The following FER variants were observed in gnomAD, a reference collection of about 807,000 sequenced individuals.
FER encodes FER tyrosine kinase.
In FER, 63 loss-of-function variants were observed where a neutral mutation model predicts 111.0. The ratio of observed to expected loss-of-function variants is 0.57; its 90% CI spans 0.46 to 0.70. The LOEUF (loss-of-function observed/expected upper bound fraction) is 0.70, where lower values mean the gene tolerates loss of function less well. FER is among the 30% of genes least tolerant of loss of function. FER has a pLI of 0.00. For missense variants in FER, 914 were observed against 954.0 expected (o/e 0.96, Z 0.55); for synonymous variants, 327 against 313.9 (o/e 1.04, Z -0.44).
intron 13 of FER, among the ~76,000 whole-genome samples, chr5:108,978,262 G>T (rs1299841535): frequency 6.6e-6 from 1 of 152,120 alleles, no homozygotes; most frequent in African/African-American, 2.4e-5. Flanking sequence ...ATTACTCATT[G>T]ATCAGGTTGA....
At position 108,841,809 on chromosome 5, in the gene FER, T is replaced by G. The variant is rs75344223; in HGVS notation, c.481+6002T>G. 2,318 of 421,880 alleles carry G rather than the reference T, an allele frequency of 5.5e-3. 22 individuals carry two copies. The highest frequency in any genetic ancestry group is 6.2e-3 in the Non-Finnish European group (1,336 of 215,162). 26.1% of individuals were successfully genotyped at this position (421,880 alleles called of 1,614,324 possible). ...GTGCAAAATACTCAGTCTTCCTTTC[T>G]TTTTTTCCTATGTCTTATCAGTGAA... On this transcript the variant is annotated intron_variant, in intron 5 of 19. Coordinates refer to ENST00000281092, the MANE Select transcript of FER (RefSeq NM_005246.4).
chr5:109,187,388 C>T, intron 19 of FER, 45 bp from the exon 20 acceptor site: 3 of 1,598,380 alleles, frequency 1.9e-6, no homozygotes, highest in Non-Finnish European at 2.6e-6. Flanking sequence ...CATTTTGTGT[C>T]TTACCTCCAT....
At chr5:108,873,346 T>A (rs1039380332) in intron 8 of FER, among the ~76,000 whole-genome samples, 2 of 152,150 alleles carry the variant, frequency 1.3e-5, no homozygotes, top group African/African-American at 2.4e-5. Flanking sequence ...GGTTTTGCCC[T>A]GCTGGCCAGG....
At chr5:109,006,610 A>G (rs1765534492) in intron 13 of FER, among the ~76,000 whole-genome samples, 1 of 152,206 alleles carries the variant, frequency 6.6e-6, no homozygotes, top group South Asian at 2.1e-4. Flanking sequence ...TGTGTTTAAC[A>G]TATACCTGTG....
chr5:109,051,731 T>A, intron 16 of FER: 1 of 1,568,358 alleles, frequency 6.4e-7, no homozygotes, highest in South Asian at 1.1e-5. Context: ...TAAGGGTCGC[T>A]CTTTCCCTTA....
chr5:108,770,189 C>A (rs895881028), intron 2 of FER, among the ~76,000 whole-genome samples: 2 of 152,202 alleles, frequency 1.3e-5, no homozygotes, highest in African/African-American at 2.4e-5. Context: ...CTCAGGTGAT[C>A]CTCCCACCTT....
intron 16 of FER, among the ~76,000 whole-genome samples, chr5:109,066,690 A>T (rs1319820436): frequency 6.6e-6 from 1 of 152,148 alleles, no homozygotes; most frequent in African/African-American, 2.4e-5. Context: ...TTTTTCTTTA[A>T]GACTTTCTAT....
At chr5:108,929,556 G>A (rs1435596169) in intron 10 of FER, among the ~76,000 whole-genome samples, 2 of 151,816 alleles carry the variant, frequency 1.3e-5, no homozygotes, top group Non-Finnish European at 2.9e-5. Flanking sequence ...CAGAAATAAG[G>A]TACATGATCC....
intron 17 of FER, among the ~76,000 whole-genome samples, chr5:109,137,873 T>G (rs967587430): frequency 3.9e-5 from 6 of 152,218 alleles, no homozygotes; most frequent in African/African-American, 1.4e-4. Context: ...AATCTTTTTC[T>G]TATGGACTTA....
At chr5:108,883,708 T>G (rs1173841223) in intron 9 of FER, among the ~76,000 whole-genome samples, 190 bp downstream of exon 9, 1 of 152,018 alleles carries the variant, frequency 6.6e-6, no homozygotes, top group Non-Finnish European at 1.5e-5. Flanking sequence ...TATAGTGTCC[T>G]TGGGAAAAAT....
intron 13 of FER, among the ~76,000 whole-genome samples, chr5:109,018,055 TTG>T (rs746128420): frequency 7.2e-5 from 11 of 151,904 alleles, no homozygotes; most frequent in Admixed American, 1.3e-4. Context: ...GGTCAACCTA[TTG>T]TCTCCTGTCT....
chr5:108,818,220 G>A (rs1758474057), intron 3 of FER: 1 of 152,116 alleles, frequency 6.6e-6, no homozygotes, highest in Admixed American at 6.6e-5. Context: ...TTGAGCTCAG[G>A]AGTTCTAGAC....
chr5:109,135,801 C>T (rs1752831715), intron 17 of FER, among the ~76,000 whole-genome samples: 1 of 152,168 alleles, frequency 6.6e-6, no homozygotes, highest in African/African-American at 2.4e-5. Flanking sequence ...TGACACTTCT[C>T]TGTTTCTGGT....
At chr5:108,820,100 C>G in intron 3 of FER, 1 of 985,134 alleles carries the variant, frequency 1.0e-6, no homozygotes, top group Non-Finnish European at 1.2e-6. Context: ...AGATAAAAAT[C>G]TCCCAGAATC....
chr5:109,005,948 A>G (rs1298228341), intron 13 of FER, among the ~76,000 whole-genome samples: 2 of 152,220 alleles, frequency 1.3e-5, no homozygotes, highest in Admixed American at 1.3e-4. Flanking sequence ...TTTTAGAACA[A>G]TTAATTGAAT....
At chr5:109,012,912 A>T (rs1351521885) in intron 13 of FER, among the ~76,000 whole-genome samples, 1 of 152,164 alleles carries the variant, frequency 6.6e-6, no homozygotes, top group Non-Finnish European at 1.5e-5. Context: ...TGACAAAAGC[A>T]AGGGACATTG....
chr5:108,978,340 C>A (rs572920812), intron 13 of FER, among the ~76,000 whole-genome samples: 1 of 152,270 alleles, frequency 6.6e-6, no homozygotes, highest in South Asian at 2.1e-4. Context: ...CCTGACAATC[C>A]TTTGCATGTC....
At chr5:108,911,301 C>T (rs1751512968) in intron 10 of FER, among the ~76,000 whole-genome samples, 2 of 151,972 alleles carry the variant, frequency 1.3e-5, no homozygotes, top group South Asian at 4.1e-4. Context: ...GTCGTTTGCC[C>T]ACTTTTTAAT....
At chr5:108,923,085 T>C (rs919184178) in intron 10 of FER, among the ~76,000 whole-genome samples, 12 of 152,252 alleles carry the variant, frequency 7.9e-5, no homozygotes, top group African/African-American at 2.9e-4. Context: ...AACTATTTCA[T>C]AGGGTTAATG....
Sources: gnomAD v4.1 joint callset for allele counts (sites outside exome capture counted in the v4.1 genomes callset) on GRCh38, gnomAD v4.1.1 for gene constraint, MANE v1.5 for transcripts, NCBI Gene and HGNC (gene_info 2026-07-23, HGNC 2026-07-21) for gene names.